Variants in ABCB5 observed in about 807,000 individuals in gnomAD.
ABCB5 encodes the protein ATP-binding cassette sub-family B member 5.
ABCB5 carries 155 observed loss-of-function variants against 144.2 expected under a neutral mutation model. The ratio of observed to expected loss-of-function variants is 1.08; its 90% CI spans 0.94 to 1.23. ABCB5 has a LOEUF of 1.23. Among genes scored for constraint, ABCB5 ranks in the 50% most tolerant of loss-of-function variants. ABCB5 has a pLI of 0.00. For synonymous variants in ABCB5, 610 were observed against 528.6 expected (o/e 1.15, Z -2.11); for missense variants, 1,830 against 1,520.8 (o/e 1.20, Z -3.38).
Position 20,647,995 on chromosome 7 carries a change from GCTGGATATAAAC to G in ABCB5, c.1127_1138del (p.Gly376_Pro379del), listed in dbSNP as rs1784463198. The G allele has an allele frequency of 6.2e-7, 1 of 1,610,532 alleles. No homozygotes were observed. Among genetic ancestry groups the G allele is most frequent in the Non-Finnish European group, 8.5e-7 (1 of 1,177,382 alleles). On this transcript the variant is annotated inframe_deletion, in exon 11 of 28. Transcript: ENST00000404938. ...ACCCAGTATAGATAACTTTTCCACA[GCTGGATATAAAC>G]CTGAATCCATAGAAGGAACTGTGGA...
At chr7:20,673,073 A>C (rs990104340) in intron 14 of ABCB5, among the ~76,000 whole-genome samples, 6 of 151,834 alleles carry the variant, frequency 4.0e-5, no homozygotes, top group Admixed American at 3.9e-4. Context: ...GTATTGGAGT[A>C]TTTTCCAGAT....
intron 20 of ABCB5, among the ~76,000 whole-genome samples, chr7:20,720,574 G>C: frequency 6.6e-6 from 1 of 152,030 alleles, no homozygotes. Context: ...GGAAATATCA[G>C]ATAAGCTAAA....
intron 14 of ABCB5, chr7:20,666,961 C>A: frequency 9.9e-7 from 1 of 1,010,782 alleles, no homozygotes; most frequent in Non-Finnish European, 1.3e-6. Flanking sequence ...AAGTCTGAAG[C>A]AATTACAGTT....
intron 3 of ABCB5, among the ~76,000 whole-genome samples, chr7:20,627,189 G>A (rs12154301): frequency 0.11 from 16,770 of 152,072 alleles, 1,214 homozygotes; most frequent in Non-Finnish European, 0.15. Flanking sequence ...CAGCCTGGCT[G>A]TCAATGTTAT....
At chr7:20,644,089 G>GTT (rs11345008) in intron 7 of ABCB5, among the ~76,000 whole-genome samples, 7 of 145,740 alleles carry the variant, frequency 4.8e-5, no homozygotes, top group Non-Finnish European at 7.6e-5. Flanking sequence ...TATATGTAAA[G>GTT]TTTTTTTTTT....
intron 2 of ABCB5, among the ~76,000 whole-genome samples, chr7:20,624,117 A>G (rs1196153521): frequency 2.0e-5 from 3 of 152,196 alleles, no homozygotes; most frequent in Admixed American, 6.5e-5. Flanking sequence ...CCTTTTCCTC[A>G]TAAATTCAAA....
At chr7:20,723,275 C>A (rs1470182667) in intron 21 of ABCB5, 56 bp downstream of exon 21, 5 of 1,526,234 alleles carry the variant, frequency 3.3e-6, no homozygotes, top group African/African-American at 2.7e-5. Flanking sequence ...ACAGTCAGAA[C>A]TTTATGATAT....
intron 23 of ABCB5, among the ~76,000 whole-genome samples, chr7:20,735,721 A>G (rs547263450): frequency 6.6e-6 from 1 of 152,372 alleles, no homozygotes; most frequent in East Asian, 1.9e-4. Flanking sequence ...TCCAACATGT[A>G]GGAAAAGACC....
At chr7:20,741,981 T>A (rs1257437029) in intron 24 of ABCB5, among the ~76,000 whole-genome samples, 1 of 152,012 alleles carries the variant, frequency 6.6e-6, no homozygotes, top group Non-Finnish European at 1.5e-5. Context: ...CTGGTGTAGA[T>A]GAGTATTGGT....
intron 1 of ABCB5, among the ~76,000 whole-genome samples, chr7:20,618,746 A>C (rs1225562833): frequency 7.4e-6 from 1 of 134,334 alleles, no homozygotes; most frequent in Non-Finnish European, 1.6e-5. Context: ...ATTTCATGGC[A>C]TATATGTGCT....
chr7:20,728,377 A>G lies in ABCB5; in HGVS notation c.2789A>G (p.Tyr930Cys). 6.2e-7 allele frequency: 1 copy of G among 1,614,146 alleles called. No individual in the cohort carries two copies. Among genetic ancestry groups the G allele is most frequent in the Non-Finnish European group, 8.5e-7 (1 of 1,180,020 alleles). The change falls in exon 23 of 28, where the codon TAT (tyrosine) becomes TGT (cysteine). Residue 930 changes from tyrosine to cysteine, a missense_variant. Physicochemically the swap from Tyr to Cys is radical, Grantham distance 194. Transcript: ENST00000404938. Reference protein sequence around the residue: ...SCYAFSHAFIYFAYAAGFRFG... With the variant: ...SCYAFSHAFICFAYAAGFRFG... ...TATGCATTCAGCCATGCCTTTATAT[A>G]TTTTGCCTATGCGGCAGGGTTTCGA...
rs142937045 is a variant in ABCB5, at chr7:20,749,634, C to G, written c.3430-3726C>G. 2.8e-3 allele frequency among the ~76,000 whole-genome samples: 425 copies of G among 152,050 alleles called. 5 individuals carry two copies. The highest frequency in any genetic ancestry group is 9.5e-3 in the African/African-American group (395 of 41,450). Reference sequence around the variant, plus strand: ...TTAGGGAAGATAGGACAAATATAGTCCTACTTTTAGGAATATGAAGCCCAA... The same window carrying G: ...TTAGGGAAGATAGGACAAATATAGTGCTACTTTTAGGAATATGAAGCCCAA... On this transcript the variant is annotated intron_variant, in intron 26 of 27. Transcript: ENST00000404938.
intron 19 of ABCB5, among the ~76,000 whole-genome samples, chr7:20,701,689 A>G (rs1375487596): frequency 6.6e-6 from 1 of 152,228 alleles, no homozygotes; most frequent in Non-Finnish European, 1.5e-5. Context: ...GCTTGAAACT[A>G]TAAGCCATAA....
chr7:20,630,311 C>T (rs1459263524), intron 4 of ABCB5, among the ~76,000 whole-genome samples: 1 of 151,890 alleles, frequency 6.6e-6, no homozygotes. Flanking sequence ...AGTCTACTTC[C>T]CTCTGTGCTC....
At position 20,615,749 on chromosome 7, in the gene ABCB5, C is replaced by G. The variant is rs187413311; in HGVS notation, c.-110C>G. ...ATACCTTGTATCTGAAAGCTTTATC[C>G]TATCCTCTTCAGAAGACTTCAGTCT... On this transcript the variant is annotated 5_prime_UTR_variant, in exon 1 of 28. Coordinates refer to ENST00000404938, the MANE Select transcript of ABCB5 (RefSeq NM_001163941.2). 2 of 152,328 alleles carry G rather than the reference C, an allele frequency of 1.3e-5. No homozygotes were observed. The highest frequency in any genetic ancestry group is 1.3e-4 in the Admixed American group (2 of 15,294). The allele number at this position is 152,328 out of a possible 1,614,324, so 9.4% of individuals were successfully genotyped here.
chr7:20,676,026 T>C (rs1785590941), intron 14 of ABCB5, among the ~76,000 whole-genome samples: 1 of 152,018 alleles, frequency 6.6e-6, no homozygotes, highest in African/African-American at 2.4e-5. Context: ...AAATAAGTGT[T>C]GGTGAGGATG....
At position 20,659,982 on chromosome 7, in the gene ABCB5, C is replaced by T. The variant is rs1052079895; in HGVS notation, c.1707+1306C>T. The T allele has an allele frequency of 8.1e-6, 8 of 985,502 alleles. No homozygotes were observed. The South Asian group carries it at 3.8e-4, about 46-fold the overall frequency. The allele number at this position is 985,502 out of a possible 1,614,324, so 61.0% of individuals were successfully genotyped here. On this transcript the variant is annotated intron_variant, in intron 14 of 27. Coordinates refer to ENST00000404938, the MANE Select transcript of ABCB5 (RefSeq NM_001163941.2). ...TACAGGTGTGCGTCTCCGCGCCCGG[C>T]CAGTTACATAAGATTTTAAAAAATG...
chr7:20,653,017 A>T (rs559406604), intron 13 of ABCB5, among the ~76,000 whole-genome samples: 2 of 152,314 alleles, frequency 1.3e-5, no homozygotes, highest in African/African-American at 4.8e-5. Context: ...AGGCCAAAAA[A>T]ATCATTAAAG....
At chr7:20,635,481 G>A (rs571054062) in intron 5 of ABCB5, among the ~76,000 whole-genome samples, 4 of 151,304 alleles carry the variant, frequency 2.6e-5, no homozygotes, top group Admixed American at 2.0e-4. Flanking sequence ...TGCATTGAAT[G>A]TATAGATTGC....
Sources: allele counts gnomAD v4.1 joint callset (sites outside exome capture counted in the v4.1 genomes callset), GRCh38; gene constraint gnomAD v4.1.1; transcripts MANE v1.5; gene names NCBI Gene and HGNC (gene_info 2026-07-23, HGNC 2026-07-21).